Variants in SMARCA4 observed in about 807,000 individuals in gnomAD.
SMARCA4 encodes SWI/SNF-related matrix-associated actin-dependent regulator of chromatin subfamily A member 4.
Under a neutral mutation model 193.9 loss-of-function variants are expected in SMARCA4, and 31 were observed. That is an observed-to-expected ratio of 0.16 (90% CI 0.12 to 0.22). SMARCA4 has a LOEUF of 0.22. Ranked by LOEUF, SMARCA4 falls within the 10% of genes least tolerant of loss-of-function variation. The probability of loss-of-function intolerance (pLI) is 1.00; values close to 1 mark genes in which losing one functional copy is unlikely to be tolerated. For missense variants in SMARCA4, 1,148 were observed against 2,296.0 expected, an observed-to-expected ratio of 0.50 and a Z score of 10.22; for synonymous variants, 942 against 933.1, an observed-to-expected ratio of 1.01 and a Z score of -0.17.
rs1162863656 is a variant in SMARCA4 at position 11,020,724 on chromosome 19, AGGTAT to A, written c.2617-998_2617-994del. On this transcript the variant is annotated intron_variant, in intron 18 of 34. Transcript: ENST00000344626. The stretch of plus-strand genomic sequence containing the variant: ...GGCCTAACAGTAGAGTTCTTGACCC[AGGTAT>A]GGGGGGATGGAGGAGCTGTTTATGG... 3 of 152,342 alleles carry A rather than the reference AGGTAT, an allele frequency of 2.0e-5. No homozygotes were observed. In the East Asian group the frequency reaches 5.8e-4, roughly 29 times the overall value. 9.4% of individuals were successfully genotyped at this position (152,342 alleles called of 1,614,324 possible).
chr19:11,021,204 C>CT (rs2089835749), intron 18 of SMARCA4: 1 of 240,938 alleles, frequency 4.2e-6, no homozygotes, highest in Admixed American at 5.0e-5. Flanking sequence ...TGGGAGTGCT[C>CT]TTTGAGTGCG....
intron 11 of SMARCA4, among the ~76,000 whole-genome samples, chr19:11,001,856 G>A (rs912743010): frequency 6.6e-6 from 1 of 152,174 alleles, no homozygotes; most frequent in Non-Finnish European, 1.5e-5. Context: ...GAATTGATGA[G>A]GGAGAAAATG....
intron 11 of SMARCA4, among the ~76,000 whole-genome samples, chr19:10,998,839 T>A (rs553964766): frequency 6.6e-6 from 1 of 152,100 alleles, no homozygotes; most frequent in South Asian, 2.1e-4. Context: ...ACTTTTCTTC[T>A]GCTTTCCCTG....
At chr19:11,060,458 C>T in intron 34 of SMARCA4, 1 of 547,706 alleles carries the variant, frequency 1.8e-6, no homozygotes, top group Non-Finnish European at 3.3e-6. Flanking sequence ...GGACAGGCAG[C>T]AGGCGGTCCC....
chr19:11,008,835 G>A (rs1308998342), intron 14 of SMARCA4, among the ~76,000 whole-genome samples: 1 of 151,706 alleles, frequency 6.6e-6, no homozygotes, highest in Non-Finnish European at 1.5e-5. Flanking sequence ...TTAGCTGGGC[G>A]TGGTGGCGTG....
At chr19:11,049,803 A>G (rs2076156972) in intron 30 of SMARCA4, among the ~76,000 whole-genome samples, 1 of 152,194 alleles carries the variant, frequency 6.6e-6, no homozygotes, top group Non-Finnish European at 1.5e-5. Context: ...AGATGCTGCT[A>G]CAATAAAGAC....
rs2146238631 is a variant in SMARCA4, at chr19:11,010,513, T to C, written c.2256T>C (p.Gly752=). 6.2e-7 allele frequency: 1 copy of C among 1,613,836 alleles called. No individual in the cohort carries two copies. The highest frequency in any genetic ancestry group is 8.5e-7 in the Non-Finnish European group (1 of 1,179,966). The change falls in exon 15 of 35, where the codon GGT becomes GGC. Residue 752 remains glycine, a synonymous_variant. Coordinates refer to ENST00000344626, the MANE Select transcript of SMARCA4 (RefSeq NM_003072.5). ...AGCAGTCAGCGCTTATGGTCAATGG[T>C]GTCCTCAAACAGTACCAGGTGAGGT... ...VDKQSALMVN[G]VLKQYQIKGL...
At chr19:11,061,207 AT>A (rs1568568963) in intron 34 of SMARCA4, among the ~76,000 whole-genome samples, 219 of 37,872 alleles carry the variant, frequency 5.8e-3, no homozygotes, top group Middle Eastern at 0.039. Context: ...AAAAAAAAAT[AT>A]ATATATATAT....
intron 1 of SMARCA4, among the ~76,000 whole-genome samples, chr19:10,982,413 G>T (rs2085625373): frequency 6.6e-6 from 1 of 152,080 alleles, no homozygotes; most frequent in Non-Finnish European, 1.5e-5. Context: ...GGCGGAGGTT[G>T]CCGTAAGCCA....
intron 30 of SMARCA4, among the ~76,000 whole-genome samples, chr19:11,049,485 G>T (rs74257939): frequency 0.059 from 8,432 of 142,844 alleles, 328 homozygotes; most frequent in East Asian, 0.15. Flanking sequence ...TGGGTTCTGT[G>T]TTTTTTTTTT....
In SMARCA4 at chr19:11,013,120, C is replaced by A. The variant is rs777197996; in HGVS notation, c.2438+8C>A. 1.2e-6 allele frequency: 2 copies of A among 1,613,914 alleles called. No individual in the cohort carries two copies. Among genetic ancestry groups the A allele is most frequent in the South Asian group, 2.2e-5 (2 of 91,062 alleles). ...CATCATCGTGCCTCTCTCGTGAGTA[C>A]CCGCTGCCAGCAACATCCCACACGC... On this transcript the variant is annotated splice_region_variant and intron_variant, in intron 16 of 34. Coordinates refer to ENST00000344626, the MANE Select transcript of SMARCA4 (RefSeq NM_003072.5).
rs540682095 is a variant in SMARCA4, at chr19:11,051,623, T to C, written c.4425-6632T>C. Among the ~76,000 whole-genome samples the C allele has an allele frequency of 2.6e-5, 4 of 151,942 alleles. No homozygotes were observed. In the East Asian group the frequency reaches 7.8e-4, roughly 30 times the overall value. On this transcript the variant is annotated intron_variant, in intron 30 of 34. Transcript: ENST00000344626. ...CTCCTGTTTCAGCCTCCCGAGTAGC[T>C]GGGACTACAGGCATGCACCACCACG...
Position 11,012,933 on chromosome 19 carries a change from G to A in SMARCA4, c.2275-16G>A, listed in dbSNP as rs372868649. The A allele has an allele frequency of 2.8e-5, 45 of 1,613,730 alleles. No individual in the cohort carries two copies. The highest frequency in any genetic ancestry group is 6.7e-5 in the East Asian group (3 of 44,884). On this transcript the variant is annotated splice_polypyrimidine_tract_variant and intron_variant, in intron 15 of 34. Transcript: ENST00000344626. Reference sequence around the variant, plus strand: ...CCCGGCCTTCAGTCCTGGCGTGGCCGCATCTGTCCTTGCAGATCAAAGGTT... The same window carrying A: ...CCCGGCCTTCAGTCCTGGCGTGGCCACATCTGTCCTTGCAGATCAAAGGTT...
chr19:11,050,223 C>G (rs1047143341), intron 30 of SMARCA4, among the ~76,000 whole-genome samples: 17 of 152,248 alleles, frequency 1.1e-4, no homozygotes, highest in Admixed American at 1.0e-3. Flanking sequence ...TCGGGCAGCT[C>G]GGAAAGACGG....
At chr19:10,979,412 CTT>C (rs778610991) in intron 1 of SMARCA4, among the ~76,000 whole-genome samples, 46 of 137,698 alleles carry the variant, frequency 3.3e-4, no homozygotes, top group Admixed American at 6.7e-4. Flanking sequence ...GTGTGATTGT[CTT>C]TTTTTTTTTT....
chr19:11,043,148 G>T (rs868482399), intron 30 of SMARCA4, among the ~76,000 whole-genome samples: 1 of 151,970 alleles, frequency 6.6e-6, no homozygotes, highest in Admixed American at 6.6e-5. Flanking sequence ...AAAATTCGCC[G>T]AGCGTAGTGG....
At chr19:10,971,797 G>T (rs1314695169) in intron 1 of SMARCA4, among the ~76,000 whole-genome samples, 1 of 149,120 alleles carries the variant, frequency 6.7e-6, no homozygotes, top group African/African-American at 2.5e-5. Context: ...TTTTTGGAGG[G>T]GGGAGATGGA....
chr19:10,981,400 C>T (rs150382958), intron 1 of SMARCA4, among the ~76,000 whole-genome samples: 4 of 152,264 alleles, frequency 2.6e-5, no homozygotes, highest in Non-Finnish European at 5.9e-5. Flanking sequence ...ACTGTTGTCA[C>T]ATGGCAGAGG....
At chr19:10,975,671 C>A (rs151294181) in intron 1 of SMARCA4, among the ~76,000 whole-genome samples, 2 of 152,262 alleles carry the variant, frequency 1.3e-5, no homozygotes, top group African/African-American at 2.4e-5. Flanking sequence ...GTTCTGATTG[C>A]TGGGCAATTG....
Sources: allele counts gnomAD v4.1 joint callset (sites outside exome capture counted in the v4.1 genomes callset), GRCh38; gene constraint gnomAD v4.1.1; transcripts MANE v1.5; gene names NCBI Gene and HGNC (gene_info 2026-07-23, HGNC 2026-07-21).